SARNP: variants seen among roughly 807,000 people sequenced by gnomAD.
SARNP encodes SAP domain-containing ribonucleoprotein.
SARNP carries 5 observed loss-of-function variants against 38.1 expected under a neutral mutation model. The ratio of observed to expected loss-of-function variants is 0.13; its 90% CI spans 0.07 to 0.28. The LOEUF (loss-of-function observed/expected upper bound fraction) is 0.28, where lower values mean the gene tolerates loss of function less well. Ranked by LOEUF, SARNP falls within the 10% of genes least tolerant of loss-of-function variation. The pLI, the probability that SARNP is intolerant of heterozygous loss-of-function variation, is 1.00. For synonymous variants in SARNP, 84 were observed against 80.6 expected (o/e 1.04, Z -0.23); for missense variants, 180 against 243.9 (o/e 0.74, Z 1.75).
chr12:55,759,664 C>G (rs541451077), intron 10 of SARNP, among the ~76,000 whole-genome samples: 1 of 152,324 alleles, frequency 6.6e-6, no homozygotes, highest in East Asian at 1.9e-4. Flanking sequence ...TGATCTTGAA[C>G]TCTCGACCTC....
In SARNP at chr12:55,809,138, C is replaced by T. The variant is rs374707874; in HGVS notation, c.37-5410G>A. Among the ~76,000 whole-genome samples, 29 of 152,026 alleles carry T rather than the reference C, an allele frequency of 1.9e-4. No homozygotes were observed. The East Asian group carries it at 5.4e-3, about 28-fold the overall frequency. On this transcript the variant is annotated intron_variant, in intron 1 of 10. Transcript: ENST00000336133. ...GGAGGATGGCCTGAGTCCAGGAAGTCGAGGCTGCAGTGAGCCGAGATCATG... is the reference window on the plus strand; with the variant it reads ...GGAGGATGGCCTGAGTCCAGGAAGTTGAGGCTGCAGTGAGCCGAGATCATG...
rs1386271528 is a variant in SARNP, at chr12:55,772,711, A to AC, written c.502-12072dup. On this transcript the variant is annotated intron_variant, in intron 9 of 10. Transcript: ENST00000336133. Reference sequence around the variant, plus strand: ...AAGAAGTCAGTAGAGGGAAGCTGAAACTTTTTTTTTTTTTTTTTTTGAGAC... The same window carrying AC: ...AAGAAGTCAGTAGAGGGAAGCTGAAACCTTTTTTTTTTTTTTTTTTTGAGAC... Among the ~76,000 whole-genome samples the AC allele has an allele frequency of 3.4e-5, 4 of 118,014 alleles. No individual in the cohort carries two copies. The Admixed American group carries it at 3.8e-4, about 11-fold the overall frequency. The allele number at this position is 118,014 out of a possible 152,430, so 77.4% of individuals were successfully genotyped here.
intron 1 of SARNP, among the ~76,000 whole-genome samples, chr12:55,810,268 A>T (rs1195493172): frequency 6.6e-6 from 1 of 151,802 alleles, no homozygotes; most frequent in Non-Finnish European, 1.5e-5. Context: ...GTGTGCCACC[A>T]CAGCCAGCTA....
At chr12:55,774,701 C>T (rs2136185867) in intron 9 of SARNP, among the ~76,000 whole-genome samples, 1 of 151,390 alleles carries the variant, frequency 6.6e-6, no homozygotes. Context: ...TGGGAGGTTC[C>T]AGCTTGGGTG....
chr12:55,766,834 C>T (rs911696676), intron 9 of SARNP, among the ~76,000 whole-genome samples: 1 of 152,144 alleles, frequency 6.6e-6, no homozygotes, highest in African/African-American at 2.4e-5. Flanking sequence ...GTTGCCCAGG[C>T]TGGTCTTGAA....
chr12:55,772,995 G>T (rs1027794951), intron 9 of SARNP, among the ~76,000 whole-genome samples: 2 of 152,160 alleles, frequency 1.3e-5, no homozygotes, highest in Non-Finnish European at 2.9e-5. Context: ...GATTACAGGC[G>T]TGAGCCACCA....
intron 5 of SARNP, 54 bp downstream of exon 5, chr12:55,795,971 G>GT: frequency 8.1e-7 from 1 of 1,231,238 alleles, no homozygotes; most frequent in South Asian, 1.3e-5. Flanking sequence ...ATAATAAAGG[G>GT]TAAGAGGGAG....
intron 9 of SARNP, among the ~76,000 whole-genome samples, chr12:55,767,671 C>T (rs1022580097): frequency 6.6e-6 from 1 of 151,622 alleles, no homozygotes; most frequent in Non-Finnish European, 1.5e-5. Flanking sequence ...CACGGTGAAA[C>T]CCCGTCTCTA....
At chr12:55,790,675 A>C in intron 7 of SARNP, 83 bp from the exon 8 acceptor site, 1 of 1,290,890 alleles carries the variant, frequency 7.7e-7, no homozygotes, top group Non-Finnish European at 1.0e-6. Context: ...GGCAACATAA[A>C]AACATCCTTT....
chr12:55,796,720 C>G (rs1879831413), intron 4 of SARNP, among the ~76,000 whole-genome samples: 1 of 152,080 alleles, frequency 6.6e-6, no homozygotes, highest in African/African-American at 2.4e-5. Flanking sequence ...TACTTTTGAA[C>G]TAATGAGTAA....
chr12:55,766,313 A>G (rs1211278289), intron 9 of SARNP, among the ~76,000 whole-genome samples: 5 of 152,106 alleles, frequency 3.3e-5, no homozygotes, highest in Non-Finnish European at 7.3e-5. Context: ...TCCTAAAAAC[A>G]AACAATTTGC....
intron 7 of SARNP, among the ~76,000 whole-genome samples, chr12:55,791,315 C>T (rs923725300): frequency 1.3e-5 from 2 of 152,158 alleles, no homozygotes; most frequent in East Asian, 3.8e-4. Context: ...AATGGATGAA[C>T]TGTATGTTAT....
chr12:55,809,239 G>C (rs1880251364), intron 1 of SARNP, among the ~76,000 whole-genome samples: 1 of 150,988 alleles, frequency 6.6e-6, no homozygotes. Context: ...CAAGTATACT[G>C]AATGAATTGT....
At chr12:55,753,832 A>C (rs1271556995), downstream of SARNP, 1 of 150,840 alleles carries the variant, frequency 6.6e-6, no homozygotes, top group Non-Finnish European at 1.5e-5. Context: ...CTGTAGTTCC[A>C]GCTATTCAGG....
At chr12:55,807,640 A>G (rs1351888575) in intron 1 of SARNP, among the ~76,000 whole-genome samples, 1 of 149,824 alleles carries the variant, frequency 6.7e-6, no homozygotes, top group South Asian at 2.1e-4. Flanking sequence ...GTCTCTACTA[A>G]AAATACAAAA....
chr12:55,801,594 CA>C (rs1029020214), intron 2 of SARNP, among the ~76,000 whole-genome samples: 2 of 152,100 alleles, frequency 1.3e-5, no homozygotes, highest in African/African-American at 4.8e-5. Context: ...AAGGATAGCA[CA>C]AAGAAACTTA....
At chr12:55,808,358 G>A (rs1272804536) in intron 1 of SARNP, among the ~76,000 whole-genome samples, 1 of 150,832 alleles carries the variant, frequency 6.6e-6, no homozygotes, top group Non-Finnish European at 1.5e-5. Flanking sequence ...CACTCTTGCT[G>A]CCCAGGCTGG....
At chr12:55,786,191 T>C (rs889296510) in intron 9 of SARNP, among the ~76,000 whole-genome samples, 9 of 152,196 alleles carry the variant, frequency 5.9e-5, no homozygotes, top group South Asian at 2.1e-4. Flanking sequence ...CAGTATAGCA[T>C]TGATGGACAA....
chr12:55,756,522 A>G (rs1366629544), downstream of SARNP: 1 of 152,242 alleles, frequency 6.6e-6, no homozygotes, highest in African/African-American at 2.4e-5. Context: ...GGACCTGATC[A>G]TAGTACCAAA....
Sources: gnomAD v4.1 joint callset for allele counts (sites outside exome capture counted in the v4.1 genomes callset) on GRCh38, gnomAD v4.1.1 for gene constraint, MANE v1.5 for transcripts, NCBI Gene and HGNC (gene_info 2026-07-23, HGNC 2026-07-21) for gene names.